The following SLC1A7 variants were observed in gnomAD, a reference collection of about 807,000 sequenced individuals.
SLC1A7 encodes the protein excitatory amino acid transporter 5.
Under a neutral mutation model 47.7 loss-of-function variants are expected in SLC1A7, and 40 were observed. The ratio of observed to expected loss-of-function variants is 0.84; its 90% CI spans 0.65 to 1.09. The LOEUF (loss-of-function observed/expected upper bound fraction) is 1.09, where lower values mean the gene tolerates loss of function less well. Among genes scored for constraint, SLC1A7 ranks in the 50% least tolerant of loss-of-function variants. The pLI is 0.00. For missense variants in SLC1A7, 746 were observed against 769.5 expected (o/e 0.97, Z 0.36); for synonymous variants, 323 against 325.6 (o/e 0.99, Z 0.09).
chr1:53,090,274 G>A (rs2150313751), intron 8 of SLC1A7: 3 of 541,302 alleles, frequency 5.5e-6, no homozygotes, highest in Middle Eastern at 9.9e-4. Flanking sequence ...CTGCCTCTGG[G>A]GCCTGGCCTC....
chr1:53,096,462 A>G (rs1644492310), intron 5 of SLC1A7, among the ~76,000 whole-genome samples: 1 of 147,058 alleles, frequency 6.8e-6, no homozygotes, highest in African/African-American at 2.5e-5. Flanking sequence ...GCTTCATTAC[A>G]ATTACACACC....
chr1:53,131,078 A>G (rs909572219), intron 2 of SLC1A7, among the ~76,000 whole-genome samples: 3 of 152,230 alleles, frequency 2.0e-5, no homozygotes, highest in Non-Finnish European at 4.4e-5. Flanking sequence ...TCCAAACTCT[A>G]TAATAAACAA....
chr1:53,141,930 A>G (rs557497088), intron 1 of SLC1A7, among the ~76,000 whole-genome samples: 2 of 152,118 alleles, frequency 1.3e-5, no homozygotes, highest in Non-Finnish European at 2.9e-5. Flanking sequence ...ACCTCTGCCT[A>G]GAGCACGCTT....
In SLC1A7 at chr1:53,088,196, C is replaced by A. The variant is rs766288232; in HGVS notation, c.1496G>T (p.Ser499Ile). Residue 499 changes from serine (S) to isoleucine (I), a missense_variant, in exon 11 of 11, where the codon AGC becomes ATC. By Grantham distance (142) the Ser-to-Ile change is moderately radical. Transcript: ENST00000371494. ...KLLPCETKPV[S>I]LQEIVAAQQN... ...CTGGGCTGCCACGATCTCCTGGAGG[C>A]TCACTGGCTTGGTCTCGCAGGGCAG... is the stretch of plus-strand genomic sequence containing the variant. 49 of 1,612,114 alleles carry A rather than the reference C, an allele frequency of 3.0e-5. No individual in the cohort carries two copies. The Middle Eastern group carries it at 4.9e-4, about 16-fold the overall frequency.
intron 3 of SLC1A7, chr1:53,108,647 G>T (rs1241130889): frequency 1.4e-6 from 1 of 717,566 alleles, no homozygotes. Flanking sequence ...GGAACATGGG[G>T]ATAATAGCTA....
rs1644438613 is a variant in SLC1A7 at position 53,092,726 on chromosome 1, TG to T, written c.858del (p.Arg287GlyfsTer174). The T allele has an allele frequency of 1.9e-6, 3 of 1,613,922 alleles. No homozygotes were observed. The highest frequency in any genetic ancestry group is 2.5e-6 in the Non-Finnish European group (3 of 1,179,902). On this transcript the variant is annotated frameshift_variant, in exon 7 of 11. Coordinates refer to ENST00000371494, the MANE Select transcript of SLC1A7 (RefSeq NM_006671.6). LOFTEE classifies it high-confidence loss of function. ...IAGKILEMDD[P>X]RAVGKKLGFY... is the part of the protein sequence containing the mutation. ...AAGCCCAGCTTCTTGCCGACGGCCC[TG>T]GGGTCGTCCATCTCCAGGATCTTAC...
Position 53,099,062 on chromosome 1 carries a change from C to T in SLC1A7, c.697+4284G>A, listed in dbSNP as rs891247206. Among the ~76,000 whole-genome samples, 42 of 151,626 alleles carry T rather than the reference C, an allele frequency of 2.8e-4. 1 individual carries two copies. The highest frequency in any genetic ancestry group is 9.7e-4 in the African/African-American group (40 of 41,174). On this transcript the variant is annotated intron_variant, in intron 5 of 10. Transcript: ENST00000371494. ...CTGCCTCTGTACACTCACAACCCAC[C>T]TCTGTACACTCACACACCCCGCCTC...
chr1:53,099,432 T>C (rs987575321), intron 5 of SLC1A7, among the ~76,000 whole-genome samples: 4 of 149,264 alleles, frequency 2.7e-5, no homozygotes, highest in Non-Finnish European at 5.9e-5. Context: ...ACAGCCCGCC[T>C]CGGTATACTC....
chr1:53,135,145 A>G (rs1572350848), intron 1 of SLC1A7, among the ~76,000 whole-genome samples: 1 of 152,214 alleles, frequency 6.6e-6, no homozygotes, highest in Non-Finnish European at 1.5e-5. Context: ...CTCCATCTGC[A>G]CCACGCATCT....
intron 1 of SLC1A7, 105 bp downstream of exon 1, chr1:53,142,210 A>G: frequency 2.3e-6 from 3 of 1,297,148 alleles, no homozygotes; most frequent in South Asian, 1.5e-5. Context: ...GGATTCACAC[A>G]CTGTCATGGC....
intron 5 of SLC1A7, among the ~76,000 whole-genome samples, chr1:53,099,931 G>C (rs968704729): frequency 6.8e-6 from 1 of 146,176 alleles, no homozygotes; most frequent in African/African-American, 2.6e-5. Context: ...CCATGCCTCT[G>C]TACATTCACA....
chr1:53,140,914 C>G (rs947649308), intron 1 of SLC1A7, among the ~76,000 whole-genome samples: 1 of 152,158 alleles, frequency 6.6e-6, no homozygotes, highest in Non-Finnish European at 1.5e-5. Flanking sequence ...TGGCTCAGTT[C>G]TCCAGGAGTG....
At chr1:53,134,276 A>T in intron 2 of SLC1A7, 74 bp downstream of exon 2, 1 of 1,072,656 alleles carries the variant, frequency 9.3e-7, no homozygotes, top group Non-Finnish European at 1.4e-6. Flanking sequence ...CACCCACAGC[A>T]GGAGCAGGGC....
chr1:53,108,897 T>C (rs1271966153), intron 3 of SLC1A7, among the ~76,000 whole-genome samples: 2 of 152,244 alleles, frequency 1.3e-5, no homozygotes, highest in African/African-American at 4.8e-5. Context: ...GAATTTATCC[T>C]GCAGATTTTA....
intron 6 of SLC1A7, 148 bp from the exon 7 acceptor site, chr1:53,092,935 C>T (rs1644442084): frequency 1.6e-6 from 1 of 625,654 alleles, no homozygotes; most frequent in South Asian, 1.9e-5. Context: ...GGCCCAGGCT[C>T]AGCACATGGC....
intron 3 of SLC1A7, among the ~76,000 whole-genome samples, chr1:53,111,064 G>A (rs1276889777): frequency 1.3e-5 from 2 of 152,204 alleles, no homozygotes; most frequent in Non-Finnish European, 2.9e-5. Flanking sequence ...CATTCCAGTG[G>A]ATGTGGGAGG....
chr1:53,128,916 C>T (rs1388455972), intron 2 of SLC1A7, among the ~76,000 whole-genome samples: 2 of 141,490 alleles, frequency 1.4e-5, no homozygotes, highest in East Asian at 2.1e-4. Flanking sequence ...TGGTGGCTCA[C>T]GCATGTAATC....
Position 53,142,619 on chromosome 1 carries a change from G to A in SLC1A7, c.-170C>T, listed in dbSNP as rs963948298. On this transcript the variant is annotated 5_prime_UTR_variant, in exon 1 of 11. Transcript: ENST00000371494. ...CATGCCCGTGTGGCCGCCTTAGAGG[G>A]AAGCCACAATCCTATTACCAGCTGC... 16 of 648,722 alleles carry A rather than the reference G, an allele frequency of 2.5e-5. No individual in the cohort carries two copies. Among genetic ancestry groups the A allele is most frequent in the Non-Finnish European group, 3.8e-5 (15 of 392,202 alleles). 40.2% of individuals were successfully genotyped at this position (648,722 alleles called of 1,614,324 possible).
intron 2 of SLC1A7, among the ~76,000 whole-genome samples, chr1:53,119,271 C>T (rs975419481): frequency 6.6e-6 from 1 of 152,184 alleles, no homozygotes; most frequent in Non-Finnish European, 1.5e-5. Context: ...GGTTCCCACT[C>T]CCACAGTGCC....
Sources: allele counts gnomAD v4.1 joint callset (sites outside exome capture counted in the v4.1 genomes callset), GRCh38; gene constraint gnomAD v4.1.1; transcripts MANE v1.5; gene names NCBI Gene and HGNC (gene_info 2026-07-23, HGNC 2026-07-21).